The following SCGB2B2 variants were observed in gnomAD, a reference collection of about 807,000 sequenced individuals.
SCGB2B2 encodes the protein secretoglobin family 2B member 2, also known as secretoglobin-like protein.
SCGB2B2 carries 11 observed loss-of-function variants against 7.6 expected under a neutral mutation model. That is an observed-to-expected ratio of 1.45 (90% CI 0.91 to 2.40). The LOEUF (loss-of-function observed/expected upper bound fraction) is 2.40, where lower values mean the gene tolerates loss of function less well. Ranked by LOEUF, SCGB2B2 falls within the 30% of genes most tolerant of loss-of-function variation. The pLI, the probability that SCGB2B2 is intolerant of heterozygous loss-of-function variation, is 0.00. For synonymous variants in SCGB2B2, 50 were observed against 48.6 expected (o/e 1.03, Z -0.12); for missense variants, 104 against 115.4 (o/e 0.90, Z 0.45).
intron 1 of SCGB2B2, among the ~76,000 whole-genome samples, chr19:34,625,864 C>T (rs753939600): frequency 6.6e-6 from 1 of 152,176 alleles, no homozygotes; most frequent in East Asian, 1.9e-4. Flanking sequence ...ATGGGAGGCA[C>T]CCACCAGTAG....
chr19:34,588,111 C>T (rs970637614), downstream of SCGB2B2, among the ~76,000 whole-genome samples: 11 of 152,130 alleles, frequency 7.2e-5, no homozygotes, highest in Non-Finnish European at 1.6e-4. Context: ...CTATTAATTC[C>T]TCCTAAATAT....
chr19:34,614,211 T>C (rs1311165070), intron 1 of SCGB2B2, among the ~76,000 whole-genome samples: 3 of 152,196 alleles, frequency 2.0e-5, no homozygotes, highest in African/African-American at 7.2e-5. Flanking sequence ...GCCTTTTCTC[T>C]TCTCTTTTCC....
chr19:34,606,517 CTTT>C (rs36092902), intron 1 of SCGB2B2, among the ~76,000 whole-genome samples: 1 of 143,004 alleles, frequency 7.0e-6, no homozygotes. Flanking sequence ...TTTTCTTTTT[CTTT>C]TTTTTTTTGC....
At chr19:34,653,973 G>A (rs1418414245) in intron 1 of SCGB2B2, among the ~76,000 whole-genome samples, 3 of 122,250 alleles carry the variant, frequency 2.5e-5, no homozygotes, top group African/African-American at 2.9e-5. Flanking sequence ...CCAGAGCAAC[G>A]AGGCAAGAAA....
intron 1 of SCGB2B2, chr19:34,645,840 G>A (rs2066995562): frequency 4.2e-6 from 1 of 237,232 alleles, no homozygotes; most frequent in Non-Finnish European, 8.7e-6. Context: ...AGGTTTCAGT[G>A]AATTCTGACC....
intron 1 of SCGB2B2, among the ~76,000 whole-genome samples, chr19:34,634,029 G>A (rs1414793736): frequency 6.6e-6 from 1 of 152,142 alleles, no homozygotes; most frequent in African/African-American, 2.4e-5. Flanking sequence ...TGGCCTAGAG[G>A]TGAACAGCCA....
At chr19:34,604,655 T>C (rs539943690) in intron 1 of SCGB2B2, among the ~76,000 whole-genome samples, 5 of 152,322 alleles carry the variant, frequency 3.3e-5, no homozygotes, top group African/African-American at 9.6e-5. Flanking sequence ...TTTATGAAAA[T>C]TGCATTGAGA....
At chr19:34,647,584 AT>A (rs34776353) in intron 1 of SCGB2B2, among the ~76,000 whole-genome samples, 60,413 of 151,910 alleles carry the variant, frequency 0.4, 13,087 homozygotes, top group Middle Eastern at 0.6. Flanking sequence ...TGTCCCCAGA[AT>A]TGCCTTCACT....
chr19:34,662,260 C>G (rs1431243401), intron 1 of SCGB2B2, among the ~76,000 whole-genome samples: 2 of 151,944 alleles, frequency 1.3e-5, no homozygotes, highest in Non-Finnish European at 2.9e-5. Context: ...ATTACACAAC[C>G]CTGTCCTAAA....
In SCGB2B2 at chr19:34,593,512, G is replaced by T. The variant is rs367770037; in HGVS notation, c.*43C>A. On this transcript the variant is annotated 3_prime_UTR_variant, in exon 4 of 4. Coordinates refer to ENST00000601241, the MANE Select transcript of SCGB2B2 (RefSeq NM_001025591.4). ...AGGCCAGGAACGCGGGGAGCCCCAA[G>T]GAAGGCAGGAGGGCCAATATCTGAT... 10 of 1,493,494 alleles carry T rather than the reference G, an allele frequency of 6.7e-6. No homozygotes were observed. In the East Asian group the frequency reaches 2.5e-4, roughly 37 times the overall value. 92.5% of individuals were successfully genotyped at this position (1,493,494 alleles called of 1,614,324 possible).
chr19:34,651,611 C>T (rs1266056825), intron 1 of SCGB2B2, among the ~76,000 whole-genome samples: 2 of 151,030 alleles, frequency 1.3e-5, no homozygotes, highest in Non-Finnish European at 2.9e-5. Flanking sequence ...CTATAAAATA[C>T]TGAGGAAATC....
chr19:34,613,092 A>C (rs1306054167), intron 1 of SCGB2B2, among the ~76,000 whole-genome samples: 1 of 98,952 alleles, frequency 1.0e-5, no homozygotes, highest in African/African-American at 4.3e-5. Flanking sequence ...CCATCTCTTC[A>C]TTTTCTTTTC....
chr19:34,589,425 C>T (rs553884843), downstream of SCGB2B2, among the ~76,000 whole-genome samples: 4 of 152,252 alleles, frequency 2.6e-5, no homozygotes, highest in Non-Finnish European at 4.4e-5. Context: ...GCCCCTGGAC[C>T]TGAGTGACAG....
At chr19:34,652,245 A>C (rs1352405773) in intron 1 of SCGB2B2, among the ~76,000 whole-genome samples, 1 of 151,326 alleles carries the variant, frequency 6.6e-6, no homozygotes, top group Non-Finnish European at 1.5e-5. Context: ...ACCCAAAAGC[A>C]CAGGCAACAA....
intron 1 of SCGB2B2, among the ~76,000 whole-genome samples, chr19:34,599,311 G>A (rs1056134966): frequency 1.3e-5 from 2 of 152,254 alleles, no homozygotes; most frequent in African/African-American, 4.8e-5. Flanking sequence ...CATGGGTGCA[G>A]CTCGCCCTTT....
At chr19:34,619,029 AAT>A (rs2066169139) in intron 1 of SCGB2B2, among the ~76,000 whole-genome samples, 1 of 152,216 alleles carries the variant, frequency 6.6e-6, no homozygotes, top group African/African-American at 2.4e-5. Context: ...CTAAATTTTG[AAT>A]ATATTTATTT....
At chr19:34,674,340 A>G (rs1444364883) in intron 1 of SCGB2B2, among the ~76,000 whole-genome samples, 1 of 152,218 alleles carries the variant, frequency 6.6e-6, no homozygotes, top group Non-Finnish European at 1.5e-5. Flanking sequence ...AGGATATGGG[A>G]AAGCTACATG....
intron 1 of SCGB2B2, among the ~76,000 whole-genome samples, chr19:34,660,820 T>C (rs1486687385): frequency 2.0e-5 from 3 of 152,206 alleles, no homozygotes; most frequent in African/African-American, 4.8e-5. Context: ...AAGACACATG[T>C]ACACATATGT....
At position 34,595,067 on chromosome 19, in the gene SCGB2B2, A is replaced by G. The variant is rs1311820964; in HGVS notation, c.-504T>C. On this transcript the variant is annotated 5_prime_UTR_variant, in exon 2 of 4. Coordinates refer to ENST00000601241, the MANE Select transcript of SCGB2B2 (RefSeq NM_001025591.4). The stretch of plus-strand genomic sequence containing the variant: ...GAGAAATCAGTAAACTGTAATTTAG[A>G]TTCAAAGAACATTATCTGGAGTAAA... The G allele has an allele frequency of 6.0e-6, 1 of 166,018 alleles. No homozygotes were observed. Among genetic ancestry groups the G allele is most frequent in the Non-Finnish European group, 1.3e-5 (1 of 76,062 alleles). 10.3% of individuals were successfully genotyped at this position (166,018 alleles called of 1,614,324 possible).
Sources: gnomAD v4.1 joint callset for allele counts (sites outside exome capture counted in the v4.1 genomes callset) on GRCh38, gnomAD v4.1.1 for gene constraint, MANE v1.5 for transcripts, NCBI Gene and HGNC (gene_info 2026-07-23, HGNC 2026-07-21) for gene names.